Variants in BCAR3 observed in about 807,000 individuals in gnomAD.
BCAR3 encodes the protein BCAR3 adaptor protein, NSP family member.
In BCAR3, 37 loss-of-function variants were observed where a neutral mutation model predicts 80.1. That is an observed-to-expected ratio of 0.46 (90% CI 0.36 to 0.61). The LOEUF (loss-of-function observed/expected upper bound fraction) is 0.61, where lower values mean the gene tolerates loss of function less well. Among genes scored for constraint, BCAR3 ranks in the 20% least tolerant of loss-of-function variants. BCAR3 has a pLI of 0.00. For missense variants in BCAR3, 978 were observed against 1,068.2 expected (o/e 0.92, Z 1.18); for synonymous variants, 389 against 418.9 (o/e 0.93, Z 0.87).
intron 2 of BCAR3, among the ~76,000 whole-genome samples, chr1:93,763,068 T>A (rs1174019884): frequency 6.6e-6 from 1 of 152,152 alleles, no homozygotes; most frequent in Non-Finnish European, 1.5e-5. Context: ...CCAACACTGT[T>A]TTTCTATTTT....
intron 2 of BCAR3, among the ~76,000 whole-genome samples, chr1:93,726,726 G>A (rs1390091904): frequency 6.6e-6 from 1 of 152,002 alleles, no homozygotes; most frequent in East Asian, 1.9e-4. Context: ...GTGGTTCATC[G>A]TATCACTGAT....
chr1:93,721,471 A>G (rs1162677766), intron 2 of BCAR3, among the ~76,000 whole-genome samples: 3 of 152,132 alleles, frequency 2.0e-5, no homozygotes, highest in African/African-American at 7.2e-5. Flanking sequence ...TTCCTCTCTA[A>G]GCACACATGA....
intron 3 of BCAR3, among the ~76,000 whole-genome samples, chr1:93,624,409 C>A (rs2101893128): frequency 6.6e-6 from 1 of 152,346 alleles, no homozygotes; most frequent in Non-Finnish European, 1.5e-5. Context: ...CCCAAATGTG[C>A]TCCTTAGACA....
intron 2 of BCAR3, among the ~76,000 whole-genome samples, chr1:93,741,768 A>C (rs2100696939): frequency 6.6e-6 from 1 of 152,228 alleles, no homozygotes; most frequent in Middle Eastern, 3.4e-3. Context: ...ACAGGGTTTC[A>C]TCATGTTGGC....
At chr1:93,698,323 G>A (rs1041299761) in intron 3 of BCAR3, among the ~76,000 whole-genome samples, 6 of 152,212 alleles carry the variant, frequency 3.9e-5, no homozygotes, top group African/African-American at 1.4e-4. Flanking sequence ...TACCATTTTG[G>A]ATTGTCACAA....
chr1:93,638,849 A>T (rs1675885986), intron 3 of BCAR3, among the ~76,000 whole-genome samples: 1 of 152,226 alleles, frequency 6.6e-6, no homozygotes, highest in Non-Finnish European at 1.5e-5. Flanking sequence ...GTTCTGAGCT[A>T]CTGTGGGGGG....
At chr1:93,653,156 A>G (rs1647208482) in intron 2 of BCAR3, among the ~76,000 whole-genome samples, 2 of 152,244 alleles carry the variant, frequency 1.3e-5, no homozygotes, top group South Asian at 4.1e-4. Context: ...TAAGTTATAG[A>G]ATGTTTTAAA....
At chr1:93,818,793 G>A (rs527868880) in intron 2 of BCAR3, among the ~76,000 whole-genome samples, 1 of 152,298 alleles carries the variant, frequency 6.6e-6, no homozygotes, top group African/African-American at 2.4e-5. Flanking sequence ...GTGTAGGAGA[G>A]TAAGTGGGTG....
rs1457195095 is a variant in BCAR3, at chr1:93,576,032, C to A, written c.1784G>T (p.Arg595Leu). The change falls in exon 8 of 12, where the codon CGC becomes CTC. Residue 595 changes from arginine to leucine, a missense_variant. By Grantham distance (102) the Arg-to-Leu change is moderately radical (BLOSUM62 -2). Coordinates refer to ENST00000260502, the MANE Select transcript of BCAR3 (RefSeq NM_003567.4). Reference protein sequence around the residue: ...LITLPHGHQLRLDIIERHNTM... With the variant: ...LITLPHGHQLLLDIIERHNTM... ...TGCTCACCTTTCAATTATGTCCAGG[C>A]GCAGCTGGTGTCCGTGAGGCAAGGT... is the stretch of plus-strand genomic sequence containing the variant. 3 of 1,613,972 alleles carry A rather than the reference C, an allele frequency of 1.9e-6. No individual in the cohort carries two copies. Among genetic ancestry groups the A allele is most frequent in the Non-Finnish European group, 8.5e-7 (1 of 1,180,000 alleles).
chr1:93,641,796 G>A (rs1382999924), intron 3 of BCAR3, among the ~76,000 whole-genome samples: 1 of 152,034 alleles, frequency 6.6e-6, no homozygotes, highest in Non-Finnish European at 1.5e-5. Flanking sequence ...GTAAATATGG[G>A]TCCACAATTC....
chr1:93,652,147 C>A (rs1676345619), intron 2 of BCAR3, among the ~76,000 whole-genome samples: 1 of 152,204 alleles, frequency 6.6e-6, no homozygotes, highest in African/African-American at 2.4e-5. Flanking sequence ...CCAGCAAGGC[C>A]TGCTACGGGA....
chr1:93,719,497 C>T (rs1478426364), intron 2 of BCAR3, among the ~76,000 whole-genome samples: 6 of 151,756 alleles, frequency 4.0e-5, no homozygotes, highest in South Asian at 2.1e-4. Flanking sequence ...CCCACCACCA[C>T]GCCCGGCTAA....
At chr1:93,590,773 A>T (rs1398414946) in intron 4 of BCAR3, among the ~76,000 whole-genome samples, 5 of 152,324 alleles carry the variant, frequency 3.3e-5, no homozygotes, top group African/African-American at 1.2e-4. Context: ...TGAACACAGC[A>T]ATCTTAAAGG....
chr1:93,832,500 T>C lies in BCAR3; in HGVS notation c.-63+13067A>G, dbSNP rs543689506. On this transcript the variant is annotated intron_variant, in intron 2 of 13. Coordinates refer to the BCAR3 transcript ENST00000370244. ...GCCCAAGGCTCTCTGACTGACTCCT[T>C]TCCAGATCTTCTCGGCTTAGCAGCT... Among the ~76,000 whole-genome samples, 6 of 152,280 alleles carry C rather than the reference T, an allele frequency of 3.9e-5. No homozygotes were observed. The East Asian group carries it at 1.2e-3, about 29-fold the overall frequency.
intron 2 of BCAR3, among the ~76,000 whole-genome samples, chr1:93,788,180 C>T: frequency 6.6e-6 from 1 of 151,898 alleles, no homozygotes; most frequent in African/African-American, 2.4e-5. Context: ...TGTCTTTTTC[C>T]ACCTCTTTAT....
intron 3 of BCAR3, among the ~76,000 whole-genome samples, chr1:93,605,858 G>A: frequency 6.6e-6 from 1 of 152,204 alleles, no homozygotes; most frequent in East Asian, 1.9e-4. Context: ...ACCCAAAGAT[G>A]TAATTGGAAG....
intron 3 of BCAR3, among the ~76,000 whole-genome samples, chr1:93,623,061 C>G (rs1214594179): frequency 6.6e-6 from 1 of 152,132 alleles, no homozygotes; most frequent in African/African-American, 2.4e-5. Context: ...TCTGGACATC[C>G]CCACCCCCTG....
intron 1 of BCAR3, among the ~76,000 whole-genome samples, chr1:93,679,153 G>A (rs1648634042): frequency 6.6e-6 from 1 of 152,186 alleles, no homozygotes; most frequent in African/African-American, 2.4e-5. Context: ...TGACTTAACA[G>A]CTATTTCATA....
chr1:93,803,125 T>C (rs180717857), intron 2 of BCAR3, among the ~76,000 whole-genome samples: 11 of 152,178 alleles, frequency 7.2e-5, no homozygotes, highest in African/African-American at 2.2e-4. Flanking sequence ...CTGTTGACGG[T>C]GAAGCCCTTT....
Sources: allele counts gnomAD v4.1 joint callset (sites outside exome capture counted in the v4.1 genomes callset), GRCh38; gene constraint gnomAD v4.1.1; transcripts MANE v1.5; gene names NCBI Gene and HGNC (gene_info 2026-07-23, HGNC 2026-07-21).